The following GRID2 variants were observed in gnomAD, a reference collection of about 807,000 sequenced individuals.
GRID2 encodes glutamate receptor ionotropic, delta-2.
In GRID2, 33 loss-of-function variants were observed where a neutral mutation model predicts 114.8. That is an observed-to-expected ratio of 0.29 (90% confidence interval 0.22 to 0.38). The LOEUF (loss-of-function observed/expected upper bound fraction) is 0.38, where lower values mean the gene tolerates loss of function less well. Among genes scored for constraint, GRID2 ranks in the 10% least tolerant of loss-of-function variants. The pLI, the probability that GRID2 is intolerant of heterozygous loss-of-function variation, is 1.00. For synonymous variants in GRID2, 505 were observed against 449.9 expected (o/e 1.12, Z -1.55); for missense variants, 1,184 against 1,257.7 (o/e 0.94, Z 0.89).
At chr4:92,450,925 A>T (rs1041875341) in intron 1 of GRID2, among the ~76,000 whole-genome samples, 3 of 149,386 alleles carry the variant, frequency 2.0e-5, no homozygotes, top group African/African-American at 7.3e-5. Context: ...TATTTAAATA[A>T]ATTTAAATTA....
intron 1 of GRID2, among the ~76,000 whole-genome samples, chr4:92,486,546 TTCACA>T (rs1722897131): frequency 1.0e-4 from 8 of 76,776 alleles, no homozygotes; most frequent in Middle Eastern, 0.013. Flanking sequence ...CTCTCTCTCT[TTCACA>T]CACACACACA....
intron 2 of GRID2, among the ~76,000 whole-genome samples, chr4:92,805,804 A>AG (rs1409855166): frequency 5.9e-5 from 9 of 151,970 alleles, no homozygotes; most frequent in Non-Finnish European, 1.0e-4. Context: ...CTTAAAAGAA[A>AG]GAAAAAAAAG....
chr4:93,546,274 G>A (rs375497184), intron 13 of GRID2, among the ~76,000 whole-genome samples: 11 of 152,220 alleles, frequency 7.2e-5, no homozygotes, highest in East Asian at 1.9e-4. Flanking sequence ...AAAGTAAAGC[G>A]GCAATTAGAA....
chr4:93,058,406 A>T (rs1022875036), intron 2 of GRID2, among the ~76,000 whole-genome samples: 3 of 151,928 alleles, frequency 2.0e-5, no homozygotes, highest in African/African-American at 7.2e-5. Flanking sequence ...CTATTTTTTC[A>T]CTATTTTCCT....
At chr4:92,775,817 C>T (rs755820147) in intron 2 of GRID2, among the ~76,000 whole-genome samples, 2 of 152,230 alleles carry the variant, frequency 1.3e-5, no homozygotes, top group South Asian at 2.1e-4. Flanking sequence ...TCATAACTGT[C>T]ATCCTTCACA....
chr4:93,395,233 A>G (rs1462544746), intron 8 of GRID2, among the ~76,000 whole-genome samples: 5 of 151,990 alleles, frequency 3.3e-5, no homozygotes, highest in African/African-American at 7.2e-5. Context: ...CATTGAAACT[A>G]TTAGAGAATC....
At chr4:92,931,771 CG>C (rs1421200536) in intron 2 of GRID2, among the ~76,000 whole-genome samples, 3 of 150,568 alleles carry the variant, frequency 2.0e-5, no homozygotes, top group African/African-American at 7.3e-5. Flanking sequence ...GTGTTATTGC[CG>C]TAAGAATATT....
chr4:93,762,861 A>G (rs1733328908), intron 14 of GRID2, among the ~76,000 whole-genome samples: 1 of 152,062 alleles, frequency 6.6e-6, no homozygotes, highest in Admixed American at 6.6e-5. Context: ...GCCCCTCCAC[A>G]GTGAATAACA....
At chr4:93,158,020 A>G (rs964920525) in intron 4 of GRID2, among the ~76,000 whole-genome samples, 4 of 151,812 alleles carry the variant, frequency 2.6e-5, no homozygotes, top group African/African-American at 7.2e-5. Context: ...TTTAGGACAT[A>G]AAGAAAGCTA....
intron 9 of GRID2, among the ~76,000 whole-genome samples, chr4:93,401,578 C>T (rs1051293535): frequency 6.6e-5 from 10 of 152,114 alleles, no homozygotes; most frequent in Non-Finnish European, 1.3e-4. Flanking sequence ...AAGAGAATAA[C>T]TATTTTAAAG....
At chr4:93,508,144 A>C (rs1728821724) in intron 12 of GRID2, among the ~76,000 whole-genome samples, 1 of 151,800 alleles carries the variant, frequency 6.6e-6, no homozygotes, top group Non-Finnish European at 1.5e-5. Context: ...GTACCCTAAA[A>C]CTTAAAGTAT....
chr4:93,142,718 CG>C (rs1349271202), intron 4 of GRID2, among the ~76,000 whole-genome samples: 24 of 152,250 alleles, frequency 1.6e-4, no homozygotes, highest in Admixed American at 1.4e-3. Context: ...TATTCAACCA[CG>C]TCAGAATAAA....
At chr4:92,440,538 C>T (rs572331899) in intron 1 of GRID2, among the ~76,000 whole-genome samples, 6 of 151,712 alleles carry the variant, frequency 4.0e-5, no homozygotes, top group African/African-American at 1.2e-4. Flanking sequence ...AGGGAGGGGG[C>T]CTGAATAATC....
intron 2 of GRID2, among the ~76,000 whole-genome samples, chr4:92,801,605 A>G (rs1352429273): frequency 6.6e-6 from 1 of 151,916 alleles, no homozygotes; most frequent in Non-Finnish European, 1.5e-5. Context: ...CACTTAAGCT[A>G]CATAACTTGG....
intron 2 of GRID2, among the ~76,000 whole-genome samples, chr4:93,016,487 A>AATTTG (rs1722741565): frequency 6.6e-6 from 1 of 152,134 alleles, no homozygotes; most frequent in Non-Finnish European, 1.5e-5. Context: ...CTGGGCCATG[A>AATTTG]ATTTGACAGT....
intron 4 of GRID2, among the ~76,000 whole-genome samples, chr4:93,122,962 T>C (rs182297715): frequency 4.7e-4 from 65 of 138,984 alleles, no homozygotes; most frequent in African/African-American, 1.7e-3. Context: ...CTAAATTGTA[T>C]ATGATAGTTC....
intron 1 of GRID2, among the ~76,000 whole-genome samples, chr4:92,359,245 C>A (rs192568443): frequency 1.4e-3 from 218 of 152,018 alleles, no homozygotes; most frequent in Non-Finnish European, 2.3e-3. Context: ...CCAAAGCATG[C>A]TTCCTTCCAT....
chr4:93,163,370 A>ATG (rs1560941609), intron 4 of GRID2, among the ~76,000 whole-genome samples: 12 of 53,084 alleles, frequency 2.3e-4, no homozygotes, highest in African/African-American at 8.2e-4. Context: ...ATATATATAT[A>ATG]TATATATATA....
chr4:92,667,455 T>C (rs1451987686), intron 2 of GRID2, among the ~76,000 whole-genome samples: 1 of 151,424 alleles, frequency 6.6e-6, no homozygotes, highest in Non-Finnish European at 1.5e-5. Context: ...TATGTTTCAC[T>C]TATTATTAGA....
Sources: allele counts gnomAD v4.1 joint callset (sites outside exome capture counted in the v4.1 genomes callset), GRCh38; gene constraint gnomAD v4.1.1; transcripts MANE v1.5; gene names NCBI Gene and HGNC (gene_info 2026-07-23, HGNC 2026-07-21).